Variants in ELMO1 observed in about 807,000 individuals in gnomAD.
The protein encoded by ELMO1 is engulfment and cell motility 1, also known as engulfment and cell motility protein 1.
A neutral mutation model predicts 98.9 loss-of-function variants in ELMO1; 26 were observed. The observed-to-expected ratio is 0.26, with a 90% CI of 0.19 to 0.36. The LOEUF (loss-of-function observed/expected upper bound fraction) is 0.36. Among genes scored for constraint, ELMO1 ranks in the 10% least tolerant of loss-of-function variants. ELMO1 has a pLI of 1.00. For missense variants in ELMO1, 627 were observed against 935.2 expected, an observed-to-expected ratio of 0.67 and a Z score of 4.30; for synonymous variants, 346 against 346.0, an observed-to-expected ratio of 1.00 and a Z score of 0.00.
At position 37,196,123 on chromosome 7, in the gene ELMO1, G is replaced by A. The variant is rs73108922; in HGVS notation, c.1086+15263C>T. On this transcript the variant is annotated intron_variant, in intron 13 of 21. Transcript: ENST00000310758. ...ATCAACAAATGAACAACATCAAGAA[G>A]GCAGGCAGAGGCTCAATAAGCTGAG... Among the ~76,000 whole-genome samples the A allele has an allele frequency of 3.7e-3, 568 of 152,274 alleles. 3 individuals are homozygous for A. Among genetic ancestry groups the A allele is most frequent in the African/African-American group, 9.0e-3 (374 of 41,556 alleles).
chr7:37,331,329 C>T (rs1351457249), intron 2 of ELMO1, among the ~76,000 whole-genome samples: 1 of 37,592 alleles, frequency 2.7e-5, no homozygotes, highest in Non-Finnish European at 5.6e-5. Flanking sequence ...GCCGCCACGC[C>T]TGGCTTTTTT....
At chr7:37,285,220 C>A (rs1351063925) in intron 4 of ELMO1, among the ~76,000 whole-genome samples, 1 of 152,252 alleles carries the variant, frequency 6.6e-6, no homozygotes, top group Non-Finnish European at 1.5e-5. Flanking sequence ...AGTTCCTCAA[C>A]TGCCCACTCT....
intron 1 of ELMO1, among the ~76,000 whole-genome samples, chr7:37,405,125 T>C (rs17171026): frequency 1.3e-5 from 2 of 151,934 alleles, no homozygotes; most frequent in East Asian, 1.9e-4. Context: ...AAGCATAACT[T>C]TGAGTGACAA....
chr7:37,170,671 G>A (rs867547993), intron 13 of ELMO1, among the ~76,000 whole-genome samples: 7 of 147,886 alleles, frequency 4.7e-5, no homozygotes, highest in Admixed American at 1.4e-4. Flanking sequence ...GTACAGCAGC[G>A]CTGTCTCAGC....
intron 15 of ELMO1, among the ~76,000 whole-genome samples, chr7:37,091,871 A>G (rs578154970): frequency 3.3e-5 from 5 of 152,314 alleles, no homozygotes; most frequent in African/African-American, 1.2e-4. Context: ...TAAAACCATC[A>G]GATCTCGTGA....
At chr7:37,229,680 G>T (rs917683951) in intron 8 of ELMO1, among the ~76,000 whole-genome samples, 2 of 152,044 alleles carry the variant, frequency 1.3e-5, no homozygotes, top group Admixed American at 1.3e-4. Context: ...TGCTGAATTT[G>T]GTCCAGCTAA....
intron 1 of ELMO1, among the ~76,000 whole-genome samples, chr7:37,414,179 C>G (rs1263456897): frequency 7.6e-6 from 1 of 132,094 alleles, no homozygotes; most frequent in Non-Finnish European, 1.8e-5. Context: ...TCATTTTCCA[C>G]TAAGAAAATT....
chr7:37,187,766 A>G (rs1791305341), intron 13 of ELMO1, among the ~76,000 whole-genome samples: 1 of 152,214 alleles, frequency 6.6e-6, no homozygotes, highest in Admixed American at 6.5e-5. Flanking sequence ...TTTCAATTAA[A>G]GAATTGCCTT....
In ELMO1 at chr7:36,994,728, C is replaced by T. The variant is rs533656657; in HGVS notation, c.1437+18571G>A. 4.3e-4 allele frequency among the ~76,000 whole-genome samples: 66 copies of T among 152,370 alleles called. 3 individuals are homozygous for T. The highest frequency in any genetic ancestry group is 2.1e-4 in the South Asian group (1 of 4,832). ...ATCCATTTTACAAGCATTCTAGGTG[C>T]TGGGTCCAGCTCTGTCTGCAATGTG... On this transcript the variant is annotated intron_variant, in intron 16 of 21. Coordinates refer to ENST00000310758, the MANE Select transcript of ELMO1 (RefSeq NM_014800.11).
In ELMO1 at chr7:37,298,453, C is replaced by A. The variant is rs1583490366; in HGVS notation, c.192+16397G>T. Among the ~76,000 whole-genome samples the A allele has an allele frequency of 5.4e-5, 4 of 73,566 alleles. No homozygotes were observed. The East Asian group carries it at 1.7e-3, about 31-fold the overall frequency. 48.3% of individuals were successfully genotyped at this position (73,566 alleles called of 152,430 possible). On this transcript the variant is annotated intron_variant, in intron 4 of 21. Transcript: ENST00000310758. Reference sequence around the variant, plus strand: ...TATCTCCCAATGCTATCCCTCCTCCCTCCCCCGACCCCACCACAGTCCCCA... The same window carrying A: ...TATCTCCCAATGCTATCCCTCCTCCATCCCCCGACCCCACCACAGTCCCCA...
At chr7:37,177,865 A>G (rs903649558) in intron 13 of ELMO1, among the ~76,000 whole-genome samples, 1 of 152,208 alleles carries the variant, frequency 6.6e-6, no homozygotes, top group African/African-American at 2.4e-5. Context: ...GGGGAGGTTT[A>G]CTTTATAGAT....
At chr7:37,073,671 C>T (rs991731373) in intron 15 of ELMO1, among the ~76,000 whole-genome samples, 3 of 151,566 alleles carry the variant, frequency 2.0e-5, no homozygotes, top group Non-Finnish European at 2.9e-5. Flanking sequence ...GTATCCTTCA[C>T]GAACATATCA....
At chr7:36,950,071 AC>A (rs1329966458) in intron 16 of ELMO1, among the ~76,000 whole-genome samples, 1 of 151,600 alleles carries the variant, frequency 6.6e-6, no homozygotes, top group South Asian at 2.1e-4. Context: ...CTCACTCACC[AC>A]TTTTTTTCAG....
chr7:36,865,062 C>T (rs980670579), intron 20 of ELMO1, among the ~76,000 whole-genome samples: 1 of 152,170 alleles, frequency 6.6e-6, no homozygotes, highest in Non-Finnish European at 1.5e-5. Context: ...TGGGGACTGC[C>T]ATCTTCCATG....
chr7:37,219,928 T>G lies in ELMO1; in HGVS notation c.780+2687A>C, dbSNP rs1449410658. ...GTCAATTTTCCTATTTGCCAAAAAT[T>G]CAGAACTTTTAATTTTTCAGAACAT... On this transcript the variant is annotated intron_variant, in intron 10 of 21. Coordinates refer to ENST00000310758, the MANE Select transcript of ELMO1 (RefSeq NM_014800.11). Among the ~76,000 whole-genome samples the G allele has an allele frequency of 2.0e-5, 3 of 152,380 alleles. No homozygotes were observed. In the East Asian group the frequency reaches 5.8e-4, roughly 29 times the overall value.
At chr7:37,316,425 G>A (rs953276617) in intron 2 of ELMO1, among the ~76,000 whole-genome samples, 9 of 152,162 alleles carry the variant, frequency 5.9e-5, no homozygotes, top group Non-Finnish European at 1.2e-4. Context: ...GAGGTGTTAC[G>A]AAATGGTTCT....
intron 13 of ELMO1, among the ~76,000 whole-genome samples, chr7:37,164,751 T>A (rs926013594): frequency 3.3e-5 from 5 of 149,710 alleles, no homozygotes; most frequent in South Asian, 2.1e-4. Context: ...CCTTGTAGTA[T>A]AGTTTGAAGT....
At chr7:37,441,410 G>C (rs895274634) in intron 1 of ELMO1, among the ~76,000 whole-genome samples, 1 of 152,202 alleles carries the variant, frequency 6.6e-6, no homozygotes, top group African/African-American at 2.4e-5. Context: ...AAAGGACTTC[G>C]CATAAAGCAG....
In ELMO1 at chr7:37,392,751, G is replaced by A. The variant is rs562202567; in HGVS notation, c.-73-49988C>T. 3.3e-5 allele frequency among the ~76,000 whole-genome samples: 5 copies of A among 152,286 alleles called. No homozygotes were observed. In the South Asian group the frequency reaches 6.2e-4, roughly 19 times the overall value. On this transcript the variant is annotated intron_variant, in intron 1 of 21. Transcript: ENST00000310758. ...CCTGATTACAACTCCTTCCCTTGAC[G>A]TCTGCCTACAGGGAGGAAATCTGCT...
Sources: allele counts gnomAD v4.1 joint callset (sites outside exome capture counted in the v4.1 genomes callset), GRCh38; gene constraint gnomAD v4.1.1; transcripts MANE v1.5; gene names NCBI Gene and HGNC (gene_info 2026-07-23, HGNC 2026-07-21).